The following ARHGAP6 variants were observed in gnomAD, a reference collection of about 807,000 sequenced individuals.
The protein encoded by ARHGAP6 is rho GTPase-activating protein 6.
Under a neutral mutation model 55.7 loss-of-function variants are expected in ARHGAP6, and 16 were observed. The ratio of observed to expected loss-of-function variants is 0.29; its 90% confidence interval spans 0.19 to 0.44. The LOEUF is 0.44. ARHGAP6 is among the 20% of genes least tolerant of loss of function. The pLI, the probability that ARHGAP6 is intolerant of heterozygous loss-of-function variation, is 1.00. For synonymous variants in ARHGAP6, 382 were observed against 360.9 expected (o/e 1.06, Z -0.66); for missense variants, 698 against 808.9 (o/e 0.86, Z 1.66).
chrX:11,419,949 T>C (rs1020263776), intron 1 of ARHGAP6, among the ~76,000 whole-genome samples: 4 of 112,582 alleles, frequency 3.6e-5, no homozygotes, highest in Non-Finnish European at 7.5e-5. Context: ...ACTCAAATTT[T>C]ACTATAAGAT....
chrX:11,558,929 G>A (rs2051354148), intron 1 of ARHGAP6, among the ~76,000 whole-genome samples: 1 of 99,139 alleles, frequency 1.0e-5, no homozygotes, highest in Admixed American at 1.2e-4. Flanking sequence ...CTACAGTTAA[G>A]TCACGTAAAT....
intron 1 of ARHGAP6, among the ~76,000 whole-genome samples, chrX:11,526,224 G>A (rs1462388196): frequency 9.0e-6 from 1 of 111,138 alleles, no homozygotes; most frequent in Admixed American, 9.7e-5. Context: ...GTCCTTCTGG[G>A]GGCCTCTGGG....
At chrX:11,370,653 C>T (rs780643229) in intron 1 of ARHGAP6, among the ~76,000 whole-genome samples, 15 of 112,022 alleles carry the variant, frequency 1.3e-4, no homozygotes, top group Non-Finnish European at 2.6e-4. Flanking sequence ...CAATTCAAAG[C>T]TCACTATAGA....
Position 11,630,864 on chromosome X carries a change from T to C in ARHGAP6, c.588+33377A>G, listed in dbSNP as rs149820073. ...CCTTTGATTAAGTATGCAATGTTAATATGAATAGCATCACCTTTTTTGTCC... is the reference window on the plus strand; with the variant it reads ...CCTTTGATTAAGTATGCAATGTTAACATGAATAGCATCACCTTTTTTGTCC... On this transcript the variant is annotated intron_variant, in intron 1 of 12. Transcript: ENST00000337414. Among the ~76,000 whole-genome samples the C allele has an allele frequency of 2.5e-3, 279 of 112,309 alleles. 1 individual carries two copies. Among genetic ancestry groups the C allele is most frequent in the African/African-American group, 8.8e-3 (273 of 30,912 alleles).
At chrX:11,508,326 T>A (rs991494811) in intron 1 of ARHGAP6, among the ~76,000 whole-genome samples, 1 of 111,215 alleles carries the variant, frequency 9.0e-6, no homozygotes, top group Non-Finnish European at 1.9e-5. Context: ...CTGGCTAATT[T>A]TTAACATAAG....
chrX:11,579,584 A>C (rs5979423), intron 1 of ARHGAP6, among the ~76,000 whole-genome samples: 30,731 of 111,132 alleles, frequency 0.28, 3,279 homozygotes, highest in Middle Eastern at 0.38. Context: ...AGTCCTTCTT[A>C]CCTTCAGATA....
intron 1 of ARHGAP6, among the ~76,000 whole-genome samples, chrX:11,500,399 C>A (rs942396644): frequency 9.4e-6 from 1 of 106,403 alleles, no homozygotes; most frequent in African/African-American, 3.6e-5. Context: ...CGGTGACTCA[C>A]GCTGTAATCC....
At chrX:11,624,625 C>G (rs1337841565) in intron 1 of ARHGAP6, among the ~76,000 whole-genome samples, 1 of 112,436 alleles carries the variant, frequency 8.9e-6, no homozygotes, top group Non-Finnish European at 1.9e-5. Context: ...CCGGAGTGCT[C>G]ACTGCAACTT....
intron 1 of ARHGAP6, among the ~76,000 whole-genome samples, chrX:11,574,916 T>C (rs2051578378): frequency 9.0e-6 from 1 of 111,519 alleles, no homozygotes; most frequent in African/African-American, 3.3e-5. Context: ...AATCAATCCC[T>C]CTCATCTGTA....
At chrX:11,661,056 GAAGAA>G (rs765781810) in intron 1 of ARHGAP6, among the ~76,000 whole-genome samples, 297 of 112,278 alleles carry the variant, frequency 2.6e-3, no homozygotes, top group African/African-American at 9.3e-3. Context: ...TGCCATGAAT[GAAGAA>G]AAGTATAGAC....
At chrX:11,356,159 T>C (rs938042718) in intron 1 of ARHGAP6, among the ~76,000 whole-genome samples, 1 of 110,145 alleles carries the variant, frequency 9.1e-6, no homozygotes, top group South Asian at 3.9e-4. Flanking sequence ...TAGTCAACAG[T>C]AGAAACTAGT....
chrX:11,546,590 T>C (rs1328536475), intron 1 of ARHGAP6, among the ~76,000 whole-genome samples: 1 of 111,898 alleles, frequency 8.9e-6, no homozygotes, highest in African/African-American at 3.2e-5. Context: ...GTTTGTCTTC[T>C]ACAATCACTC....
At chrX:11,372,904 C>T (rs2049161088) in intron 1 of ARHGAP6, among the ~76,000 whole-genome samples, 1 of 108,937 alleles carries the variant, frequency 9.2e-6, no homozygotes, top group Non-Finnish European at 1.9e-5. Context: ...AAGCCAACCA[C>T]AATTAATATT....
chrX:11,197,588 A>G (rs2046557415), intron 2 of ARHGAP6, among the ~76,000 whole-genome samples: 1 of 112,254 alleles, frequency 8.9e-6, no homozygotes, highest in Non-Finnish European at 1.9e-5. Context: ...AGTCTAACAC[A>G]GTTCAGGCTA....
At chrX:11,358,436 T>A (rs1209755728) in intron 1 of ARHGAP6, among the ~76,000 whole-genome samples, 1 of 26,627 alleles carries the variant, frequency 3.8e-5, no homozygotes, top group Non-Finnish European at 6.2e-5. Context: ...ACTGTATCTT[T>A]CTTTCTTTCT....
chrX:11,406,498 C>T (rs1338861070), intron 1 of ARHGAP6, among the ~76,000 whole-genome samples: 2 of 111,659 alleles, frequency 1.8e-5, no homozygotes, highest in African/African-American at 6.5e-5. Flanking sequence ...CACACACACA[C>T]TCACACACAA....
intron 1 of ARHGAP6, among the ~76,000 whole-genome samples, chrX:11,462,059 G>A (rs774258863): frequency 1.5e-4 from 17 of 112,282 alleles, no homozygotes; most frequent in Non-Finnish European, 3.0e-4. Flanking sequence ...AATTTAGAGC[G>A]AGGATATTTT....
At chrX:11,351,166 C>T (rs1435977986) in intron 1 of ARHGAP6, among the ~76,000 whole-genome samples, 1 of 110,400 alleles carries the variant, frequency 9.1e-6, no homozygotes, top group Admixed American at 9.8e-5. Flanking sequence ...TACAATCATG[C>T]ACACCCATTT....
chrX:11,602,331 A>G (rs1222815749), intron 1 of ARHGAP6, among the ~76,000 whole-genome samples: 1 of 112,344 alleles, frequency 8.9e-6, no homozygotes, highest in African/African-American at 3.2e-5. Context: ...TCTAACTTAA[A>G]AAGCAGAGGG....
Sources: allele counts gnomAD v4.1 joint callset (sites outside exome capture counted in the v4.1 genomes callset), GRCh38; gene constraint gnomAD v4.1.1; transcripts MANE v1.5; gene names NCBI Gene and HGNC (gene_info 2026-07-23, HGNC 2026-07-21).